IQSEC1: variants seen among roughly 807,000 people sequenced by gnomAD.
IQSEC1 encodes IQ motif and SEC7 domain-containing protein 1.
Under a neutral mutation model 91.0 loss-of-function variants are expected in IQSEC1, and 31 were observed. The observed-to-expected ratio is 0.34, with a 90% CI of 0.26 to 0.46. The LOEUF is 0.46. Among genes scored for constraint, IQSEC1 ranks in the 20% least tolerant of loss-of-function variants. The pLI, the probability that IQSEC1 is intolerant of heterozygous loss-of-function variation, is 1.00. For synonymous variants in IQSEC1, 699 were observed against 662.6 expected, an observed-to-expected ratio of 1.05 and a Z score of -0.84; for missense variants, 1,388 against 1,575.6, an observed-to-expected ratio of 0.88 and a Z score of 2.02.
At chr3:13,066,370 C>G (rs1296586584) in intron 1 of IQSEC1, among the ~76,000 whole-genome samples, 2 of 152,272 alleles carry the variant, frequency 1.3e-5, no homozygotes. Flanking sequence ...TTCCGGGCAG[C>G]TGGTGACAAC....
At chr3:13,137,678 A>G (rs1706732426) in intron 2 of IQSEC1, among the ~76,000 whole-genome samples, 1 of 152,112 alleles carries the variant, frequency 6.6e-6, no homozygotes, top group Non-Finnish European at 1.5e-5. Flanking sequence ...TGCACAAAGA[A>G]GGGGCACAGT....
At chr3:12,947,943 G>A (rs1297424172) in intron 1 of IQSEC1, among the ~76,000 whole-genome samples, 2 of 152,230 alleles carry the variant, frequency 1.3e-5, no homozygotes, top group East Asian at 1.9e-4. Context: ...GTGTTGCAAT[G>A]GACACCTCGC....
upstream of IQSEC1, among the ~76,000 whole-genome samples, chr3:13,073,903 C>T (rs1705517013): frequency 6.6e-6 from 1 of 152,220 alleles, no homozygotes; most frequent in Admixed American, 6.5e-5. Flanking sequence ...GGAGGGCGCA[C>T]CACGCCAGTA....
chr3:13,074,463 G>T (rs1455819520), upstream of IQSEC1, among the ~76,000 whole-genome samples: 2 of 152,292 alleles, frequency 1.3e-5, no homozygotes, highest in South Asian at 4.1e-4. Flanking sequence ...GATCCTCTCT[G>T]CTTCCTCATC....
intron 1 of IQSEC1, among the ~76,000 whole-genome samples, chr3:13,260,105 G>A (rs956407639): frequency 1.5e-4 from 23 of 152,228 alleles, no homozygotes; most frequent in African/African-American, 5.5e-4. Context: ...AGGGCTGGAG[G>A]AAGAGGGGGA....
intron 2 of IQSEC1, among the ~76,000 whole-genome samples, chr3:13,145,773 G>A (rs1263277430): frequency 1.4e-5 from 2 of 142,384 alleles, no homozygotes; most frequent in African/African-American, 2.6e-5. Flanking sequence ...GCAAAGGGGC[G>A]GTTTGGGGAG....
At chr3:13,189,781 C>A (rs1231874405) in intron 1 of IQSEC1, among the ~76,000 whole-genome samples, 1 of 152,204 alleles carries the variant, frequency 6.6e-6, no homozygotes, top group Non-Finnish European at 1.5e-5. Context: ...CTCCTGTTCC[C>A]CCAGGTCTCA....
intron 1 of IQSEC1, among the ~76,000 whole-genome samples, chr3:13,267,129 T>C (rs1695505548): frequency 6.6e-6 from 1 of 152,178 alleles, no homozygotes; most frequent in South Asian, 2.1e-4. Flanking sequence ...AGAGCCCTCC[T>C]GATTGGGATA....
chr3:13,014,222 C>T (rs918195315), intron 1 of IQSEC1, among the ~76,000 whole-genome samples: 4 of 152,202 alleles, frequency 2.6e-5, no homozygotes, highest in African/African-American at 7.2e-5. Context: ...GGGCACTGTG[C>T]CCTGGTAAAT....
chr3:13,085,887 A>C (rs913224828), intron 2 of IQSEC1, among the ~76,000 whole-genome samples: 1 of 152,188 alleles, frequency 6.6e-6, no homozygotes, highest in African/African-American at 2.4e-5. Flanking sequence ...CTCTCTCTTC[A>C]GACAGTCCTC....
chr3:13,171,031 C>T (rs920303087), intron 1 of IQSEC1, among the ~76,000 whole-genome samples: 3 of 151,690 alleles, frequency 2.0e-5, no homozygotes, highest in African/African-American at 4.9e-5. Flanking sequence ...ACCCAGGAGG[C>T]GGAGGTTGCA....
At chr3:12,952,800 G>A (rs1240922916) in intron 1 of IQSEC1, among the ~76,000 whole-genome samples, 1 of 152,216 alleles carries the variant, frequency 6.6e-6, no homozygotes. Context: ...CTCCATCCAG[G>A]TCTCTGAAGA....
intron 1 of IQSEC1, among the ~76,000 whole-genome samples, chr3:13,266,905 G>A (rs762357611): frequency 2.0e-5 from 3 of 152,146 alleles, no homozygotes; most frequent in Non-Finnish European, 2.9e-5. Flanking sequence ...TGAAGTGGAC[G>A]GCAGGAACGC....
At chr3:13,229,683 G>A (rs557878125) in intron 1 of IQSEC1, among the ~76,000 whole-genome samples, 3 of 152,248 alleles carry the variant, frequency 2.0e-5, no homozygotes, top group African/African-American at 4.8e-5. Flanking sequence ...CCCTAAACTC[G>A]CCAAACTTGT....
chr3:13,202,024 C>CA (rs1694254457), intron 1 of IQSEC1, among the ~76,000 whole-genome samples: 3 of 152,232 alleles, frequency 2.0e-5, no homozygotes, highest in Non-Finnish European at 4.4e-5. Flanking sequence ...CAGCCAACTG[C>CA]AGCCGCTGCC....
rs768614445 is a variant in IQSEC1, at chr3:12,935,009, G to T, written c.1568+439C>A. Among the ~76,000 whole-genome samples the T allele has an allele frequency of 2.6e-5, 4 of 152,018 alleles. No homozygotes were observed. The highest frequency in any genetic ancestry group is 4.8e-5 in the African/African-American group (2 of 41,394). On this transcript the variant is annotated intron_variant, in intron 3 of 13. Coordinates refer to ENST00000613206, the MANE Select transcript of IQSEC1 (RefSeq NM_001134382.3). This position sits in a 1 kb window ranked among gnomAD's most constrained non-coding sequence, Gnocchi z 8.0. ...GCATCCCCCACAAGACACAGCCCTG[G>T]GTCTCGCCTGTCTGCCCCTGCCCCC...
chr3:12,903,698 G>A (rs1405870065), intron 12 of IQSEC1, among the ~76,000 whole-genome samples: 1 of 152,176 alleles, frequency 6.6e-6, no homozygotes, highest in East Asian at 1.9e-4. Flanking sequence ...ACTTCTCCGT[G>A]GATTTTTTGA....
chr3:12,904,864 G>A (rs996580290), intron 12 of IQSEC1, among the ~76,000 whole-genome samples: 1 of 152,198 alleles, frequency 6.6e-6, no homozygotes, highest in African/African-American at 2.4e-5. Flanking sequence ...GGTCCACATA[G>A]TGTCCCCACC....
rs557783317 is a variant in IQSEC1 at position 13,122,559 on chromosome 3, C to A, written c.302+41545G>T. 3.3e-5 allele frequency among the ~76,000 whole-genome samples: 5 copies of A among 152,256 alleles called. No individual in the cohort carries two copies. In the South Asian group the frequency reaches 1.0e-3, roughly 32 times the overall value. On this transcript the variant is annotated intron_variant, in intron 2 of 15. Coordinates refer to the IQSEC1 transcript ENST00000648114. ...AATGAGGAGCTTGCTAAACTCCACC[C>A]CAGGAGACACACGGAGTGAGGTAGG...
Sources: gnomAD v4.1 joint callset for allele counts (sites outside exome capture counted in the v4.1 genomes callset) on GRCh38, gnomAD v4.1.1 for gene constraint, Gnocchi (gnomAD v3.1) non-coding constraint, MANE v1.5 for transcripts, NCBI Gene and HGNC (gene_info 2026-07-23, HGNC 2026-07-21) for gene names.